SNX16: variants seen among roughly 807,000 people sequenced by gnomAD.
SNX16 encodes the protein sorting nexin 16.
Under a neutral mutation model 36.7 loss-of-function variants are expected in SNX16, and 35 were observed. The observed-to-expected ratio is 0.95, with a 90% CI of 0.73 to 1.27. The LOEUF (loss-of-function observed/expected upper bound fraction) is 1.27. Among genes scored for constraint, SNX16 ranks in the 50% most tolerant of loss-of-function variants. The pLI, the probability that SNX16 is intolerant of heterozygous loss-of-function variation, is 0.00. For missense variants in SNX16, 367 were observed against 393.6 expected (o/e 0.93, Z 0.57); for synonymous variants, 134 against 132.0 (o/e 1.02, Z -0.10).
chr8:81,807,348 G>A (rs2635489), intron 5 of SNX16, among the ~76,000 whole-genome samples: 37,297 of 150,878 alleles, frequency 0.25, 5,119 homozygotes, highest in East Asian at 0.37. Context: ...AAGAAACTCC[G>A]TCTCTACTAA....
chr8:81,810,605 C>T (rs1274221693), intron 5 of SNX16, among the ~76,000 whole-genome samples: 3 of 152,136 alleles, frequency 2.0e-5, no homozygotes, highest in Non-Finnish European at 4.4e-5. Flanking sequence ...GAGAAAGAGT[C>T]TAGGAGATAC....
At chr8:81,808,520 T>G in intron 5 of SNX16, 1 of 975,232 alleles carries the variant, frequency 1.0e-6, no homozygotes. Flanking sequence ...TTGGTAATGA[T>G]GGAAGCAACT....
intron 7 of SNX16, 105 bp downstream of exon 7, chr8:81,802,275 T>A (rs1809734477): frequency 1.3e-6 from 1 of 751,786 alleles, no homozygotes; most frequent in Admixed American, 3.9e-5. Flanking sequence ...AGCAGATTCG[T>A]GATACAGTAA....
chr8:81,830,029 C>A (rs1811183015), intron 2 of SNX16, among the ~76,000 whole-genome samples: 1 of 152,054 alleles, frequency 6.6e-6, no homozygotes, highest in South Asian at 2.1e-4. Flanking sequence ...TGATTCTATG[C>A]CTAGAAAACC....
intron 3 of SNX16, among the ~76,000 whole-genome samples, chr8:81,828,901 A>G (rs994780269): frequency 1.8e-4 from 28 of 152,134 alleles, no homozygotes; most frequent in Admixed American, 9.2e-4. Context: ...TGGCCCTACA[A>G]CTTCAAGAAA....
At chr8:81,804,695 T>G (rs1161765566) in intron 5 of SNX16, among the ~76,000 whole-genome samples, 1 of 152,078 alleles carries the variant, frequency 6.6e-6, no homozygotes, top group African/African-American at 2.4e-5. Flanking sequence ...ACTATGATGT[T>G]TAAAACAGCC....
chr8:81,824,012 GACT>G, intron 3 of SNX16, 72 bp from the exon 4 acceptor site: 1 of 1,317,166 alleles, frequency 7.6e-7, no homozygotes, highest in Non-Finnish European at 1.0e-6. Flanking sequence ...CTATCCTGTT[GACT>G]ACATGAAATT....
At chr8:81,826,370 C>T (rs1811022718) in intron 3 of SNX16, among the ~76,000 whole-genome samples, 1 of 152,126 alleles carries the variant, frequency 6.6e-6, no homozygotes, top group Non-Finnish European at 1.5e-5. Flanking sequence ...AGGTCCTGCT[C>T]TCTCTCTCCC....
chr8:81,800,213 C>T lies in SNX16; in HGVS notation c.*1284G>A, dbSNP rs527771438. On this transcript the variant is annotated 3_prime_UTR_variant, in exon 8 of 8. Coordinates refer to ENST00000345957, the MANE Select transcript of SNX16 (RefSeq NM_152836.3). ...TTCTATTTCCCCAGTAAGTTTCCCT[C>T]AGTTTTTAGAAAGCATACCGACTGG... 6.6e-6 allele frequency: 1 copy of T among 151,882 alleles called. No homozygotes were observed. Among genetic ancestry groups the T allele is most frequent in the East Asian group, 1.9e-4 (1 of 5,184 alleles). The allele number at this position is 151,882 out of a possible 1,614,324, so 9.4% of individuals were successfully genotyped here. A position where few individuals can be genotyped will look rare whatever the true frequency, so the allele number is the denominator to read the frequency against.
chr8:81,836,899 T>C (rs971918368), intron 2 of SNX16, among the ~76,000 whole-genome samples: 1 of 152,188 alleles, frequency 6.6e-6, no homozygotes, highest in Non-Finnish European at 1.5e-5. Context: ...TCCTTCCCTA[T>C]GTGATCTGTG....
At chr8:81,807,840 T>G (rs1267092869) in intron 5 of SNX16, 57 of 763,240 alleles carry the variant, frequency 7.5e-5, no homozygotes, top group Non-Finnish European at 1.2e-4. Context: ...GGTTGAGTTT[T>G]GAAACAATTG....
At chr8:81,811,337 A>G (rs915889978) in intron 5 of SNX16, among the ~76,000 whole-genome samples, 5 of 152,170 alleles carry the variant, frequency 3.3e-5, no homozygotes, top group African/African-American at 9.6e-5. Context: ...ACACAGGACA[A>G]CAGAGCCCAT....
At chr8:81,836,217 A>T (rs1811488178) in intron 2 of SNX16, among the ~76,000 whole-genome samples, 1 of 152,232 alleles carries the variant, frequency 6.6e-6, no homozygotes, top group Non-Finnish European at 1.5e-5. Context: ...TTTAAAGACT[A>T]GACACCTTAT....
In SNX16 at chr8:81,803,306, A is replaced by G. The variant is rs566293895; in HGVS notation, c.682-78T>C. Reference sequence around the variant, plus strand: ...AATTACAAATGCAGTATCTTTCTCAAGAGCATTATTGAAGAGTCAAAGAAC... The same window carrying G: ...AATTACAAATGCAGTATCTTTCTCAGGAGCATTATTGAAGAGTCAAAGAAC... On this transcript the variant is annotated intron_variant, in intron 5 of 7. Transcript: ENST00000345957. The G allele has an allele frequency of 4.4e-5, 61 of 1,391,618 alleles. No homozygotes were observed. In the African/African-American group the frequency reaches 8.5e-4, roughly 19 times the overall value. The allele number at this position is 1,391,618 out of a possible 1,614,324, so 86.2% of individuals were successfully genotyped here.
At chr8:81,811,067 A>G (rs1393583674) in intron 5 of SNX16, among the ~76,000 whole-genome samples, 1 of 152,228 alleles carries the variant, frequency 6.6e-6, no homozygotes, top group Non-Finnish European at 1.5e-5. Flanking sequence ...AAGAAAGAAT[A>G]CTATACTTTA....
rs865896664 is a variant in SNX16, at chr8:81,802,601, C to T, written c.819-102G>A. Reference sequence around the variant, plus strand: ...CTATAGCAGTCTTTAGCTGTTAAGCCTTAATGTAGTTACATAGCTAATAAA... The same window carrying T: ...CTATAGCAGTCTTTAGCTGTTAAGCTTTAATGTAGTTACATAGCTAATAAA... On this transcript the variant is annotated intron_variant, in intron 6 of 7. Coordinates refer to ENST00000345957, the MANE Select transcript of SNX16 (RefSeq NM_152836.3). 31 of 924,164 alleles carry T rather than the reference C, an allele frequency of 3.4e-5. No individual in the cohort carries two copies. In the Middle Eastern group the frequency reaches 3.8e-3, roughly 112 times the overall value. 57.2% of individuals were successfully genotyped at this position (924,164 alleles called of 1,614,324 possible). A position where few individuals can be genotyped will look rare whatever the true frequency, so the allele number is the denominator to read the frequency against.
intron 4 of SNX16, among the ~76,000 whole-genome samples, chr8:81,816,513 T>C (rs780670883): frequency 6.6e-6 from 1 of 151,824 alleles, no homozygotes; most frequent in Non-Finnish European, 1.5e-5. Flanking sequence ...CTTGATACAC[T>C]ACAAAAAGGG....
At chr8:81,822,362 A>G (rs1290615403) in intron 4 of SNX16, among the ~76,000 whole-genome samples, 1 of 152,106 alleles carries the variant, frequency 6.6e-6, no homozygotes, top group African/African-American at 2.4e-5. Context: ...TTAAAAGAAG[A>G]CCAATATGGC....
intron 5 of SNX16, 123 bp from the exon 6 acceptor site, chr8:81,803,351 G>T: frequency 3.1e-6 from 3 of 975,096 alleles, no homozygotes; most frequent in Non-Finnish European, 4.3e-6. Context: ...CAAAATAATA[G>T]TATGAAACTC....
Sources: allele counts gnomAD v4.1 joint callset (sites outside exome capture counted in the v4.1 genomes callset), GRCh38; gene constraint gnomAD v4.1.1; transcripts MANE v1.5; gene names NCBI Gene and HGNC (gene_info 2026-07-23, HGNC 2026-07-21).